Variants in OSBPL3 observed in about 807,000 individuals in gnomAD.
The protein encoded by OSBPL3 is oxysterol binding protein like 3, also known as oxysterol-binding protein-related protein 3.
OSBPL3 carries 65 observed loss-of-function variants against 120.1 expected under a neutral mutation model. That is an observed-to-expected ratio of 0.54 (90% CI 0.44 to 0.67). The LOEUF (loss-of-function observed/expected upper bound fraction) is 0.67. Among genes scored for constraint, OSBPL3 ranks in the 30% least tolerant of loss-of-function variants. The probability of loss-of-function intolerance (pLI) is 0.00; values close to 1 mark genes in which losing one functional copy is unlikely to be tolerated. For missense variants in OSBPL3, 1,004 were observed against 1,082.1 expected (o/e 0.93, Z 1.01); for synonymous variants, 416 against 402.6 (o/e 1.03, Z -0.40).
At chr7:24,921,814 A>C (rs1810419458) in intron 1 of OSBPL3, among the ~76,000 whole-genome samples, 1 of 152,232 alleles carries the variant, frequency 6.6e-6, no homozygotes. Context: ...AAATGAAAAC[A>C]AACAAGAGTT....
chr7:24,832,231 G>A (rs1166205109), intron 15 of OSBPL3, among the ~76,000 whole-genome samples: 1 of 148,630 alleles, frequency 6.7e-6, no homozygotes, highest in Admixed American at 6.7e-5. Context: ...AAAAAGAAGG[G>A]CCAGGCACGG....
At chr7:24,962,889 C>A (rs945099627) in intron 1 of OSBPL3, among the ~76,000 whole-genome samples, 2 of 152,196 alleles carry the variant, frequency 1.3e-5, no homozygotes, top group Non-Finnish European at 2.9e-5. Context: ...TTGTTGAATT[C>A]TTTTAAAACC....
Position 24,894,769 on chromosome 7 carries a change from GA to G in OSBPL3, c.-149-2149del, listed in dbSNP as rs771325091. Among the ~76,000 whole-genome samples, 3 of 152,198 alleles carry G rather than the reference GA, an allele frequency of 2.0e-5. No homozygotes were observed. Among genetic ancestry groups the G allele is most frequent in the Non-Finnish European group, 4.4e-5 (3 of 68,038 alleles). On this transcript the variant is annotated intron_variant, in intron 1 of 22. Coordinates refer to ENST00000313367, the MANE Select transcript of OSBPL3 (RefSeq NM_015550.4). The surrounding 1 kb of genome is among the most constrained non-coding windows in gnomAD (Gnocchi z 4.1). ...AGGGAGAGAAACGTGGGCAATAAATGAAAGTTACAGGAATTCTAAAACCACC... is the reference window on the plus strand; with the variant it reads ...AGGGAGAGAAACGTGGGCAATAAATGAAGTTACAGGAATTCTAAAACCACC...
chr7:24,889,903 G>A (rs894904383), intron 2 of OSBPL3, among the ~76,000 whole-genome samples: 1 of 152,178 alleles, frequency 6.6e-6, no homozygotes, highest in Non-Finnish European at 1.5e-5. Flanking sequence ...TGCTGTCTGG[G>A]GCCTGGTGCT....
At chr7:24,865,250 A>G in intron 7 of OSBPL3, 92 bp downstream of exon 7, 5 of 1,344,492 alleles carry the variant, frequency 3.7e-6, no homozygotes, top group Non-Finnish European at 5.2e-6. Flanking sequence ...GGACAAGCAT[A>G]GGGGAAGGAC....
intron 1 of OSBPL3, among the ~76,000 whole-genome samples, chr7:24,902,114 AG>A: frequency 6.6e-6 from 1 of 152,370 alleles, no homozygotes; most frequent in South Asian, 2.1e-4. Flanking sequence ...TCTCCCTGAA[AG>A]GGGTTGTTGA....
At chr7:24,980,450 C>G (rs111589466), upstream of OSBPL3, among the ~76,000 whole-genome samples, 1,586 of 152,032 alleles carry the variant, frequency 0.01, 16 homozygotes, top group Middle Eastern at 0.02. Flanking sequence ...CGGCGAGGCA[C>G]TGGGTGGGGC....
chr7:24,810,051 T>A, intron 19 of OSBPL3, 100 bp from the exon 20 acceptor site: 1 of 1,316,232 alleles, frequency 7.6e-7, no homozygotes, highest in Non-Finnish European at 1.1e-6. Context: ...ACTGTAAGAG[T>A]GGCTCCATAC....
rs547159658 is a variant in OSBPL3 at position 24,803,641 on chromosome 7, C to T, written c.2567+674G>A. Among the ~76,000 whole-genome samples the T allele has an allele frequency of 1.2e-3, 182 of 151,934 alleles. No homozygotes were observed. The highest frequency in any genetic ancestry group is 2.3e-3 in the Non-Finnish European group (154 of 67,986). On this transcript the variant is annotated intron_variant, in intron 22 of 22. Coordinates refer to ENST00000313367, the MANE Select transcript of OSBPL3 (RefSeq NM_015550.4). This position sits in a 1 kb window ranked among gnomAD's most constrained non-coding sequence, Gnocchi z 4.2. ...CAAAAATTAGCCGGGCATGGTGGCA[C>T]GCGCCTGTAGTCCCAGCTACTTAGG...
chr7:24,895,258 A>T (rs976204184), intron 1 of OSBPL3, among the ~76,000 whole-genome samples: 1 of 152,104 alleles, frequency 6.6e-6, no homozygotes, highest in African/African-American at 2.4e-5. Context: ...GTCCCATAAG[A>T]CTATAATTCT....
At position 24,881,892 on chromosome 7, in the gene OSBPL3, A is replaced by C. The variant is rs1554389759; in HGVS notation, c.97-9823T>G. 6.6e-6 allele frequency among the ~76,000 whole-genome samples: 1 copy of C among 151,786 alleles called. No homozygotes were observed. Among genetic ancestry groups the C allele is most frequent in the Non-Finnish European group, 1.5e-5 (1 of 67,922 alleles). On this transcript the variant is annotated intron_variant, in intron 2 of 22. Coordinates refer to ENST00000313367, the MANE Select transcript of OSBPL3 (RefSeq NM_015550.4). This position sits in a 1 kb window ranked among gnomAD's most constrained non-coding sequence, Gnocchi z 4.3. ...CTTGGCTTGTAGCTGCATCACTCCA[A>C]TCTCTCTCTCCACCATCACATCACC...
At position 24,803,772 on chromosome 7, in the gene OSBPL3, G is replaced by GA. The variant is rs542201431; in HGVS notation, c.2567+542dup. On this transcript the variant is annotated intron_variant, in intron 22 of 22. Transcript: ENST00000313367. This position sits in a 1 kb window ranked among gnomAD's most constrained non-coding sequence, Gnocchi z 4.2. Reference sequence around the variant, plus strand: ...GGTGACAGAGCGAGACTCTGTATCAGAAAAAAAAAAAATTATATCTATTTT... The same window carrying GA: ...GGTGACAGAGCGAGACTCTGTATCAGAAAAAAAAAAAAATTATATCTATTTT... 0.092 allele frequency among the ~76,000 whole-genome samples: 13,204 copies of GA among 144,162 alleles called. 772 individuals are homozygous for GA. Among genetic ancestry groups the GA allele is most frequent in the Non-Finnish European group, 0.14 (8,972 of 65,710 alleles). 94.6% of individuals were successfully genotyped at this position (144,162 alleles called of 152,430 possible). A position where few individuals can be genotyped will look rare whatever the true frequency, so the allele number is the denominator to read the frequency against.
At position 24,952,644 on chromosome 7, in the gene OSBPL3, T is replaced by C. The variant is rs1185090318; in HGVS notation, c.-150+27242A>G. On this transcript the variant is annotated intron_variant, in intron 1 of 22. Transcript: ENST00000313367. This position sits in a 1 kb window ranked among gnomAD's most constrained non-coding sequence, Gnocchi z 4.4. ...CATGCCAGGCATATGTATATTCACATGCAAAATCCTGCAACATTCTTAACT... is the reference window on the plus strand; with the variant it reads ...CATGCCAGGCATATGTATATTCACACGCAAAATCCTGCAACATTCTTAACT... Among the ~76,000 whole-genome samples the C allele has an allele frequency of 6.6e-6, 1 of 152,232 alleles. No individual in the cohort carries two copies. The highest frequency in any genetic ancestry group is 6.5e-5 in the Admixed American group (1 of 15,280).
rs961042920 is a variant in OSBPL3, at chr7:24,953,205, C to T, written c.-150+26681G>A. On this transcript the variant is annotated intron_variant, in intron 1 of 22. Coordinates refer to ENST00000313367, the MANE Select transcript of OSBPL3 (RefSeq NM_015550.4). The surrounding 1 kb of genome is among the most constrained non-coding windows in gnomAD (Gnocchi z 4.3). ...CTATCTTAAAAGATTAAAGCCTTCA[C>T]TTAAGTAGTTTTGCTTCATCACTTT... 9.9e-5 allele frequency among the ~76,000 whole-genome samples: 15 copies of T among 152,190 alleles called. No homozygotes were observed. Among genetic ancestry groups the T allele is most frequent in the Non-Finnish European group, 1.9e-4 (13 of 68,034 alleles).
chr7:24,941,278 T>C (rs569495686), intron 1 of OSBPL3, among the ~76,000 whole-genome samples: 4 of 152,294 alleles, frequency 2.6e-5, no homozygotes, highest in Admixed American at 2.6e-4. Context: ...TCTTACTTCT[T>C]ATCAATTTAG....
In OSBPL3 at chr7:24,871,429, G is replaced by C. The variant is rs1284358229; in HGVS notation, c.267+313C>G. 6.6e-6 allele frequency among the ~76,000 whole-genome samples: 1 copy of C among 152,160 alleles called. No individual in the cohort carries two copies. ...AATCTCTCGGTCACAGTGCAAGAGGGAGGGATGCCCTATGTTTTGTTCCTG... is the reference window on the plus strand; with the variant it reads ...AATCTCTCGGTCACAGTGCAAGAGGCAGGGATGCCCTATGTTTTGTTCCTG... On this transcript the variant is annotated intron_variant, in intron 4 of 22. Coordinates refer to ENST00000313367, the MANE Select transcript of OSBPL3 (RefSeq NM_015550.4). The surrounding 1 kb of genome is among the most constrained non-coding windows in gnomAD (Gnocchi z 4.8).
intron 10 of OSBPL3, among the ~76,000 whole-genome samples, chr7:24,859,334 A>G (rs1800217240): frequency 6.6e-6 from 1 of 151,740 alleles, no homozygotes; most frequent in Non-Finnish European, 1.5e-5. Context: ...CTCTTTAAGA[A>G]ATAATATATG....
At chr7:24,876,685 C>T (rs1584472844) in intron 2 of OSBPL3, among the ~76,000 whole-genome samples, 1 of 152,202 alleles carries the variant, frequency 6.6e-6, no homozygotes, top group East Asian at 1.9e-4. Context: ...GTACAGCATG[C>T]CATTTAAAAC....
intron 12 of OSBPL3, among the ~76,000 whole-genome samples, chr7:24,848,519 G>T (rs949326780): frequency 1.3e-5 from 2 of 152,122 alleles, no homozygotes; most frequent in African/African-American, 4.8e-5. Context: ...TAGTCTTGAA[G>T]AAAGACTTTT....
Sources: gnomAD v4.1 joint callset for allele counts (sites outside exome capture counted in the v4.1 genomes callset) on GRCh38, gnomAD v4.1.1 for gene constraint, Gnocchi (gnomAD v3.1) non-coding constraint, MANE v1.5 for transcripts, NCBI Gene and HGNC (gene_info 2026-07-23, HGNC 2026-07-21) for gene names.